VMAC: variants seen among roughly 807,000 people sequenced by gnomAD.
The protein encoded by VMAC is vimentin type intermediate filament associated coiled-coil protein, also known as vimentin-type intermediate filament-associated coiled-coil protein.
Under a neutral mutation model 4.8 loss-of-function variants are expected in VMAC, and 8 were observed. That is an observed-to-expected ratio of 1.68 (90% CI 0.99 to 3.03). The LOEUF is 3.03. Among genes scored for constraint, VMAC ranks in the 30% most tolerant of loss-of-function variants. The probability of loss-of-function intolerance (pLI) is 0.00; values close to 1 mark genes in which losing one functional copy is unlikely to be tolerated. For synonymous variants in VMAC, 96 were observed against 113.7 expected (o/e 0.84, Z 0.99); for missense variants, 248 against 245.1 (o/e 1.01, Z -0.08).
chr19:5,907,241 A>G (rs1436477916), intron 1 of VMAC, among the ~76,000 whole-genome samples: 1 of 152,046 alleles, frequency 6.6e-6, no homozygotes, highest in Non-Finnish European at 1.5e-5. Flanking sequence ...ATATAAGCAC[A>G]CTAATCCCAT....
At position 5,908,985 on chromosome 19, in the gene VMAC, T is replaced by C. The variant is rs2057688730; in HGVS notation, c.353T>C (p.Leu118Pro). 1.2e-6 allele frequency: 2 copies of C among 1,609,378 alleles called. No homozygotes were observed. Among genetic ancestry groups the C allele is most frequent in the South Asian group, 2.2e-5 (2 of 90,722 alleles). ...CRRRPPLAGL[L>P]DALAEAERLG... ...CGCCGGCCACCCCTGGCTGGGCTGCTGGATGCCCTGGCTGAGGCTGAGCGC... is the reference window on the plus strand; with the variant it reads ...CGCCGGCCACCCCTGGCTGGGCTGCCGGATGCCCTGGCTGAGGCTGAGCGC... Residue 118 changes from leucine to proline, a missense_variant, in exon 2 of 2, where the codon CTG becomes CCG. Coordinates refer to ENST00000339485, the MANE Select transcript of VMAC (RefSeq NM_001017921.4). This position sits in a 1 kb window ranked among gnomAD's most constrained non-coding sequence, Gnocchi z 4.5.
At chr19:5,905,697 C>G (rs1395964986) in intron 1 of VMAC, among the ~76,000 whole-genome samples, 3 of 151,908 alleles carry the variant, frequency 2.0e-5, no homozygotes, top group Admixed American at 6.6e-5. Flanking sequence ...GCTGGGATTA[C>G]AGGGGTGAGC....
chr19:5,908,804 T>G lies in VMAC; in HGVS notation c.192-20T>G. On this transcript the variant is annotated intron_variant, in intron 1 of 1. Coordinates refer to ENST00000339485, the MANE Select transcript of VMAC (RefSeq NM_001017921.4). The surrounding 1 kb of genome is among the most constrained non-coding windows in gnomAD (Gnocchi z 4.5). ...TGTGGTCCTCAGTTCTGTAATCACC[T>G]CCTCTTGCCTTCCTGCCAGTGAGAT... The G allele has an allele frequency of 6.2e-7, 1 of 1,612,502 alleles. No individual in the cohort carries two copies.
chr19:5,907,869 G>T (rs936622572), intron 1 of VMAC, among the ~76,000 whole-genome samples: 1 of 152,012 alleles, frequency 6.6e-6, no homozygotes, highest in African/African-American at 2.4e-5. Context: ...CCTATAAAGA[G>T]GTTCCTTCCA....
intron 1 of VMAC, among the ~76,000 whole-genome samples, chr19:5,906,758 C>T (rs1318873842): frequency 6.6e-6 from 1 of 152,226 alleles, no homozygotes; most frequent in African/African-American, 2.4e-5. Context: ...TGGGTGGTGG[C>T]TCACGCCTGT....
chr19:5,906,707 G>A (rs1206302454), intron 1 of VMAC, among the ~76,000 whole-genome samples: 3 of 152,206 alleles, frequency 2.0e-5, no homozygotes, highest in Non-Finnish European at 4.4e-5. Flanking sequence ...AGAGTGAGGG[G>A]ACGAAATGAG....
At position 5,909,474 on chromosome 19, in the gene VMAC, T is replaced by A; in HGVS notation, c.*332T>A. On this transcript the variant is annotated 3_prime_UTR_variant, in exon 2 of 2. Coordinates refer to ENST00000339485, the MANE Select transcript of VMAC (RefSeq NM_001017921.4). ...ACCCTCTTTAGCCAGGGTGTGAGTT[T>A]CTGTTTTTTGTTTTTTTTTTTTTAA... The A allele has an allele frequency of 4.3e-6, 1 of 233,944 alleles. No homozygotes were observed. Among genetic ancestry groups the A allele is most frequent in the Non-Finnish European group, 7.7e-6 (1 of 129,850 alleles). 14.5% of individuals were successfully genotyped at this position (233,944 alleles called of 1,614,324 possible). A position where few individuals can be genotyped will look rare whatever the true frequency, so the allele number is the denominator to read the frequency against.
rs1271393921 is a variant in VMAC at position 5,908,869 on chromosome 19, T to C, written c.237T>C (p.Thr79=). The C allele has an allele frequency of 1.2e-6, 2 of 1,613,998 alleles. No individual in the cohort carries two copies. The highest frequency in any genetic ancestry group is 2.2e-5 in the East Asian group (1 of 44,872). The change falls in exon 2 of 2, where the codon ACT becomes ACC. Residue 79 remains threonine, a synonymous_variant. Transcript: ENST00000339485. This position sits in a 1 kb window ranked among gnomAD's most constrained non-coding sequence, Gnocchi z 4.5. ...AGCAGCTGATGACCTCAGAAGCCAC[T>C]GTCCACAGCCTGCAGGCCACCGTGC... ...LQEQLMTSEA[T]VHSLQATVHQ... is the part of the protein sequence containing the mutation.
chr19:5,909,033 AC>A lies in VMAC; in HGVS notation c.405del (p.Gly136AlafsTer85). The A allele has an allele frequency of 6.3e-7, 1 of 1,575,298 alleles. No homozygotes were observed. The highest frequency in any genetic ancestry group is 8.6e-7 in the Non-Finnish European group (1 of 1,162,280). On this transcript the variant is annotated frameshift_variant, in exon 2 of 2. Transcript: ENST00000339485. LOFTEE classifies it low-confidence loss of function (END_TRUNC). Reference sequence around the variant, plus strand: ...CGCCTGGGGCCCCTGCCGGCCAGTGACCCCGGCCACCCACCCCCCGGTGGGC... The same window carrying A: ...CGCCTGGGGCCCCTGCCGGCCAGTGACCCGGCCACCCACCCCCCGGTGGGC... ...AERLGPLPAS[D>X]PGHPPPGGPG...
At chr19:5,906,229 C>T (rs1016888824) in intron 1 of VMAC, among the ~76,000 whole-genome samples, 1 of 152,148 alleles carries the variant, frequency 6.6e-6, no homozygotes, top group Non-Finnish European at 1.5e-5. Flanking sequence ...CTCAGCCTCC[C>T]GAAGTGCTGG....
At position 5,908,688 on chromosome 19, in the gene VMAC, G is replaced by T. The variant is rs2057687523; in HGVS notation, c.192-136G>T. On this transcript the variant is annotated intron_variant, in intron 1 of 1. Transcript: ENST00000339485. The surrounding 1 kb of genome is among the most constrained non-coding windows in gnomAD (Gnocchi z 4.5). ...AAGAAACATTCTGTTCATAACCAGG[G>T]AGGACCCTGAGGCAGTGGTGAGGAA... 1.5e-5 allele frequency: 10 copies of T among 652,896 alleles called. No individual in the cohort carries two copies. The South Asian group carries it at 1.8e-4, about 12-fold the overall frequency. 40.4% of individuals were successfully genotyped at this position (652,896 alleles called of 1,614,324 possible).
At position 5,908,601 on chromosome 19, in the gene VMAC, G is replaced by A. The variant is rs2057686990; in HGVS notation, c.192-223G>A. ...ATTGCACTCCAGCCTGGGCGACAGA[G>A]CTAGACTTCGTCTCAAAAAAAAATA... On this transcript the variant is annotated intron_variant, in intron 1 of 1. Coordinates refer to ENST00000339485, the MANE Select transcript of VMAC (RefSeq NM_001017921.4). This position sits in a 1 kb window ranked among gnomAD's most constrained non-coding sequence, Gnocchi z 4.5. Among the ~76,000 whole-genome samples the A allele has an allele frequency of 6.7e-6, 1 of 148,246 alleles. No homozygotes were observed. The highest frequency in any genetic ancestry group is 2.2e-4 in the South Asian group (1 of 4,576).
rs771856947 is a variant in VMAC, at chr19:5,907,110, G to A, written c.192-1714G>A. Among the ~76,000 whole-genome samples, 11 of 152,318 alleles carry A rather than the reference G, an allele frequency of 7.2e-5. No homozygotes were observed. The South Asian group carries it at 1.4e-3, about 20-fold the overall frequency. ...TCAGCGTTCTGGAGGCTGGACGTCCGAGAGCAGGGTGCCAGCATGGTCAGG... is the reference window on the plus strand; with the variant it reads ...TCAGCGTTCTGGAGGCTGGACGTCCAAGAGCAGGGTGCCAGCATGGTCAGG... On this transcript the variant is annotated intron_variant, in intron 1 of 1. Transcript: ENST00000339485.
Position 5,908,961 on chromosome 19 carries a change from G to T in VMAC, c.329G>T (p.Arg110Leu). The T allele has an allele frequency of 1.2e-6, 2 of 1,612,792 alleles. No homozygotes were observed. Among genetic ancestry groups the T allele is most frequent in the Non-Finnish European group, 1.7e-6 (2 of 1,179,610 alleles). ...RAELLQDICR[R>L]RPPLAGLLDA... is the part of the protein sequence containing the mutation. Reference sequence around the variant, plus strand: ...GAGCTGCTGCAGGACATCTGCCGCCGCCGGCCACCCCTGGCTGGGCTGCTG... The same window carrying T: ...GAGCTGCTGCAGGACATCTGCCGCCTCCGGCCACCCCTGGCTGGGCTGCTG... Residue 110 changes from arginine (R) to leucine (L), a missense_variant, in exon 2 of 2, where the codon CGC (arginine) becomes CTC (leucine). Transcript: ENST00000339485. The surrounding 1 kb of genome is among the most constrained non-coding windows in gnomAD (Gnocchi z 4.5).
At chr19:5,907,997 A>T (rs1389994398) in intron 1 of VMAC, among the ~76,000 whole-genome samples, 1 of 152,178 alleles carries the variant, frequency 6.6e-6, no homozygotes, top group Admixed American at 6.6e-5. Context: ...GAATGGACTA[A>T]TACACCTCCC....
intron 1 of VMAC, among the ~76,000 whole-genome samples, chr19:5,907,571 G>C (rs1319450100): frequency 8.0e-6 from 1 of 125,150 alleles, no homozygotes; most frequent in Non-Finnish European, 1.6e-5. Flanking sequence ...TCAAGAATTT[G>C]AGACCAGCCT....
chr19:5,906,022 T>C (rs2057677843), intron 1 of VMAC, among the ~76,000 whole-genome samples: 1 of 151,288 alleles, frequency 6.6e-6, no homozygotes, highest in South Asian at 2.1e-4. Context: ...TCTTGCTCTG[T>C]TGCCCAGGCT....
rs953660546 is a variant in VMAC, at chr19:5,910,124, G to C, written c.*982G>C. On this transcript the variant is annotated 3_prime_UTR_variant, in exon 2 of 2. Coordinates refer to ENST00000339485, the MANE Select transcript of VMAC (RefSeq NM_001017921.4). ...CCTGCCTGGCAACAGTGACCCCTCA[G>C]TGCAGTAACAATGGGCCCATTTTCT... 6.6e-6 allele frequency: 1 copy of C among 152,270 alleles called. No individual in the cohort carries two copies. The highest frequency in any genetic ancestry group is 1.5e-5 in the Non-Finnish European group (1 of 68,098). 9.4% of individuals were successfully genotyped at this position (152,270 alleles called of 1,614,324 possible).
In VMAC at chr19:5,908,254, A is replaced by C. The variant is rs1555748008; in HGVS notation, c.192-570A>C. On this transcript the variant is annotated intron_variant, in intron 1 of 1. Transcript: ENST00000339485. This position sits in a 1 kb window ranked among gnomAD's most constrained non-coding sequence, Gnocchi z 4.5. ...AGCTACTCGGGAGGTTGAGGAGGAC[A>C]GTTTGAACCTGGGAGGCAGAGGTTG... Among the ~76,000 whole-genome samples the C allele has an allele frequency of 6.6e-6, 1 of 152,150 alleles. No homozygotes were observed. Among genetic ancestry groups the C allele is most frequent in the Non-Finnish European group, 1.5e-5 (1 of 68,022 alleles).
Sources: allele counts gnomAD v4.1 joint callset (sites outside exome capture counted in the v4.1 genomes callset), GRCh38; gene constraint gnomAD v4.1.1; non-coding constraint Gnocchi (gnomAD v3.1); transcripts MANE v1.5; gene names NCBI Gene and HGNC (gene_info 2026-07-23, HGNC 2026-07-21).